Variants in MAP2K1 observed in about 807,000 individuals in gnomAD.
MAP2K1 encodes the protein mitogen-activated protein kinase kinase 1, also known as dual specificity mitogen-activated protein kinase kinase 1.
MAP2K1 carries 16 observed loss-of-function variants against 46.3 expected under a neutral mutation model. The ratio of observed to expected loss-of-function variants is 0.35; its 90% CI spans 0.23 to 0.52. The LOEUF is 0.52. Ranked by LOEUF, MAP2K1 falls within the 20% of genes least tolerant of loss-of-function variation. The pLI is 0.94. For missense variants in MAP2K1, 263 were observed against 497.1 expected (o/e 0.53, Z 4.48); for synonymous variants, 183 against 185.6 (o/e 0.99, Z 0.11).
In MAP2K1 at chr15:66,397,130, G is replaced by C. The variant is rs560123074; in HGVS notation, c.80+9703G>C. Among the ~76,000 whole-genome samples the C allele has an allele frequency of 5.7e-3, 839 of 147,826 alleles. 2 individuals are homozygous for C. Among genetic ancestry groups the C allele is most frequent in the Non-Finnish European group, 8.9e-3 (600 of 67,496 alleles). On this transcript the variant is annotated intron_variant, in intron 1 of 10. Coordinates refer to ENST00000307102, the MANE Select transcript of MAP2K1 (RefSeq NM_002755.4). ...CGCCATTCTCCTGCCTCAGCTTCCC[G>C]AGTAGCTGGGACTACAGGCGCCTGC...
At chr15:66,412,957 G>A (rs1054484174) in intron 1 of MAP2K1, among the ~76,000 whole-genome samples, 2 of 151,928 alleles carry the variant, frequency 1.3e-5, no homozygotes, top group East Asian at 1.9e-4. Flanking sequence ...GTACAGTGGC[G>A]TGATCTCGGC....
At chr15:66,472,075 C>CAAAAAAA (rs56820379) in intron 5 of MAP2K1, among the ~76,000 whole-genome samples, 1 of 91,552 alleles carries the variant, frequency 1.1e-5, no homozygotes, top group Non-Finnish European at 2.0e-5. Context: ...GACTCCATCT[C>CAAAAAAA]AAAAAAAAAA....
rs1595877302 is a variant in MAP2K1, at chr15:66,466,503, A to T, written c.569-15252A>T. Among the ~76,000 whole-genome samples, 3 of 152,136 alleles carry T rather than the reference A, an allele frequency of 2.0e-5. No individual in the cohort carries two copies. The East Asian group carries it at 5.8e-4, about 29-fold the overall frequency. On this transcript the variant is annotated intron_variant, in intron 5 of 10. Coordinates refer to ENST00000307102, the MANE Select transcript of MAP2K1 (RefSeq NM_002755.4). The stretch of plus-strand genomic sequence containing the variant: ...AGACCAGCCTGGCCAACATGGTGAA[A>T]CCCCATCTCTACTAAAAATACAAAA...
chr15:66,476,840 C>G (rs1892765894), intron 5 of MAP2K1, among the ~76,000 whole-genome samples: 2 of 152,102 alleles, frequency 1.3e-5, no homozygotes, highest in Non-Finnish European at 2.9e-5. Context: ...GTGTGGGGTG[C>G]TGAGGAAGAT....
At chr15:66,457,733 G>A (rs1018542483) in intron 5 of MAP2K1, among the ~76,000 whole-genome samples, 5 of 151,980 alleles carry the variant, frequency 3.3e-5, no homozygotes, top group African/African-American at 7.2e-5. Context: ...AGATCAAGGC[G>A]GGTGGATCAC....
chr15:66,420,805 G>GTATATATATATGTGTATATATATGTGTA (rs1327368528), intron 1 of MAP2K1, among the ~76,000 whole-genome samples: 45 of 63,040 alleles, frequency 7.1e-4, no homozygotes, highest in African/African-American at 2.0e-3. Context: ...ATATATATGT[G>GTATATATATATGTGTATATATATGTGTA]TATATATATG....
At chr15:66,436,055 A>G (rs2093487272) in intron 2 of MAP2K1, among the ~76,000 whole-genome samples, 1 of 151,708 alleles carries the variant, frequency 6.6e-6, no homozygotes, top group Non-Finnish European at 1.5e-5. Context: ...CATGGTGTTC[A>G]CTCCTGTGCC....
intron 5 of MAP2K1, among the ~76,000 whole-genome samples, chr15:66,470,692 C>T (rs949355760): frequency 2.6e-5 from 4 of 152,100 alleles, no homozygotes; most frequent in African/African-American, 9.7e-5. Context: ...TGGTACCAGC[C>T]ACCAATAGGA....
intron 1 of MAP2K1, among the ~76,000 whole-genome samples, chr15:66,414,021 AT>A (rs770140473): frequency 1.7e-4 from 24 of 141,820 alleles, no homozygotes; most frequent in Non-Finnish European, 2.8e-4. Flanking sequence ...TCTTATCATC[AT>A]CTTAGACTTG....
chr15:66,389,061 C>T (rs2093350457), intron 1 of MAP2K1, among the ~76,000 whole-genome samples: 2 of 151,990 alleles, frequency 1.3e-5, no homozygotes, highest in African/African-American at 2.4e-5. Context: ...CATGCGCCAC[C>T]ATGCCCGGCT....
intron 1 of MAP2K1, among the ~76,000 whole-genome samples, chr15:66,389,171 G>T (rs562571783): frequency 6.7e-4 from 102 of 152,272 alleles, no homozygotes; most frequent in African/African-American, 2.3e-3. Flanking sequence ...CTCCGAAAAT[G>T]CTGGGATTAC....
chr15:66,452,799 T>C (rs11630608), intron 5 of MAP2K1, among the ~76,000 whole-genome samples: 31,000 of 152,186 alleles, frequency 0.2, 3,857 homozygotes, highest in Middle Eastern at 0.32. Context: ...TTTCTTTATA[T>C]AATTTATAAG....
intron 2 of MAP2K1, 125 bp from the exon 3 acceptor site, chr15:66,436,621 G>T: frequency 2.1e-6 from 2 of 949,606 alleles, no homozygotes; most frequent in South Asian, 2.7e-5. Context: ...AAACTTGTTT[G>T]TAACAACTTA....
At chr15:66,487,171 C>T (rs934662690) in intron 7 of MAP2K1, 57 bp from the exon 8 acceptor site, 2 of 1,472,114 alleles carry the variant, frequency 1.4e-6, no homozygotes, top group Middle Eastern at 1.7e-4. Flanking sequence ...CCCCTTGCCT[C>T]ATATTAACAA....
In MAP2K1 at chr15:66,449,618, C is replaced by T. The variant is rs140027424; in HGVS notation, c.568+4911C>T. 2.8e-3 allele frequency among the ~76,000 whole-genome samples: 420 copies of T among 152,316 alleles called. 3 individuals carry two copies. Among genetic ancestry groups the T allele is most frequent in the Non-Finnish European group, 4.8e-3 (329 of 68,026 alleles). ...ACTGTAGGCTGGGTGCGGTGGCTCA[C>T]GCCTGTAATCCCAGCACTTCAGGAG... On this transcript the variant is annotated intron_variant, in intron 5 of 10. Coordinates refer to ENST00000307102, the MANE Select transcript of MAP2K1 (RefSeq NM_002755.4).
At chr15:66,397,283 G>T (rs547728461) in intron 1 of MAP2K1, among the ~76,000 whole-genome samples, 1 of 151,806 alleles carries the variant, frequency 6.6e-6, no homozygotes, top group Non-Finnish European at 1.5e-5. Flanking sequence ...GATTACAGGC[G>T]TGAGCCACGG....
intron 8 of MAP2K1, 162 bp from the exon 9 acceptor site, chr15:66,489,053 T>C: frequency 1.5e-6 from 1 of 685,182 alleles, no homozygotes; most frequent in Non-Finnish European, 2.7e-6. Context: ...ACTGGCCTTC[T>C]ACCTGTGCCT....
At chr15:66,401,797 G>A in intron 1 of MAP2K1, 1 of 523,148 alleles carries the variant, frequency 1.9e-6, no homozygotes, top group Non-Finnish European at 3.7e-6. Context: ...GGATGGCTAG[G>A]ATTCCATGGG....
chr15:66,439,460 C>A (rs144108645), intron 3 of MAP2K1, among the ~76,000 whole-genome samples: 4,338 of 152,188 alleles, frequency 0.029, 154 homozygotes, highest in Admixed American at 0.067. Flanking sequence ...GGTGAAAACC[C>A]ATCTCTATTA....
Sources: gnomAD v4.1 joint callset for allele counts (sites outside exome capture counted in the v4.1 genomes callset) on GRCh38, gnomAD v4.1.1 for gene constraint, MANE v1.5 for transcripts, NCBI Gene and HGNC (gene_info 2026-07-23, HGNC 2026-07-21) for gene names.